Variants in THADA observed in about 807,000 individuals in gnomAD.
THADA encodes the protein tRNA (32-2'-O)-methyltransferase regulator THADA.
THADA carries 213 observed loss-of-function variants against 219.8 expected under a neutral mutation model. That is an observed-to-expected ratio of 0.97 (90% CI 0.87 to 1.09). The LOEUF (loss-of-function observed/expected upper bound fraction) is 1.09, where lower values mean the gene tolerates loss of function less well. THADA is among the 50% of genes least tolerant of loss of function. The pLI is 0.00. For missense variants in THADA, 2,956 were observed against 2,311.3 expected (o/e 1.28, Z -5.72); for synonymous variants, 1,018 against 828.9 (o/e 1.23, Z -3.92).
chr2:43,303,467 G>A (rs938932253), intron 31 of THADA, among the ~76,000 whole-genome samples: 3 of 151,976 alleles, frequency 2.0e-5, no homozygotes, highest in African/African-American at 7.3e-5. Context: ...ATTATTTAGG[G>A]CAGTCTCTCT....
At chr2:43,257,550 A>T (rs1305836962) in intron 36 of THADA, among the ~76,000 whole-genome samples, 1 of 152,224 alleles carries the variant, frequency 6.6e-6, no homozygotes, top group Non-Finnish European at 1.5e-5. Context: ...ACCTCAGTCT[A>T]TCCCATTCCC....
At chr2:43,511,637 T>A (rs573351009) in intron 22 of THADA, among the ~76,000 whole-genome samples, 1 of 103,236 alleles carries the variant, frequency 9.7e-6, no homozygotes, top group Non-Finnish European at 2.1e-5. Flanking sequence ...TTGCTGGTTC[T>A]CATACTAACA....
At chr2:43,473,003 T>C (rs1685093270) in intron 26 of THADA, among the ~76,000 whole-genome samples, 1 of 151,748 alleles carries the variant, frequency 6.6e-6, no homozygotes, top group South Asian at 2.1e-4. Context: ...TCAGAGTGAG[T>C]GGTGGGTGAA....
intron 1 of THADA, among the ~76,000 whole-genome samples, chr2:43,594,241 C>T (rs755616818): frequency 1.3e-5 from 2 of 152,158 alleles, no homozygotes; most frequent in East Asian, 1.9e-4. Context: ...TACTTACTCT[C>T]TTCCTTAAAA....
chr2:43,325,544 GAAGA>G (rs933711072), intron 30 of THADA, among the ~76,000 whole-genome samples: 15 of 151,660 alleles, frequency 9.9e-5, no homozygotes, highest in Non-Finnish European at 1.9e-4. Flanking sequence ...AAAGAAGGAA[GAAGA>G]AAGGAAGGAA....
chr2:43,251,604 C>T lies in THADA; in HGVS notation c.5297-18722G>A, dbSNP rs182064107. Among the ~76,000 whole-genome samples the T allele has an allele frequency of 5.9e-5, 9 of 152,314 alleles. No homozygotes were observed. In the East Asian group the frequency reaches 7.7e-4, roughly 13 times the overall value. ...AAGGTACTGTGGGACTGTGTACTCC[C>T]GAGTGGGAGATGTGGCAGGGCCACA... On this transcript the variant is annotated intron_variant, in intron 36 of 37. Transcript: ENST00000405975.
At position 43,287,467 on chromosome 2, in the gene THADA, G is replaced by C. The variant is rs146669115; in HGVS notation, c.5011-406C>G. On this transcript the variant is annotated intron_variant, in intron 34 of 37. Coordinates refer to ENST00000405975, the MANE Select transcript of THADA (RefSeq NM_022065.5). ...GTGCCACCACACCTGGCTAATTTTT[G>C]TATTTAGCAAAATTAGACAGGGTTT... Among the ~76,000 whole-genome samples, 56 of 152,172 alleles carry C rather than the reference G, an allele frequency of 3.7e-4. No homozygotes were observed. The East Asian group carries it at 0.011, about 29-fold the overall frequency.
chr2:43,351,879 G>C (rs934495243), intron 29 of THADA, among the ~76,000 whole-genome samples: 22 of 152,196 alleles, frequency 1.4e-4, no homozygotes, highest in African/African-American at 4.8e-4. Context: ...AAGTAATTAT[G>C]AGTTCCTTCA....
intron 28 of THADA, among the ~76,000 whole-genome samples, chr2:43,402,683 A>G (rs1675006094): frequency 6.6e-6 from 1 of 152,182 alleles, no homozygotes; most frequent in South Asian, 2.1e-4. Flanking sequence ...AGAACTGGAG[A>G]GAAAATCACT....
At chr2:43,492,574 A>T (rs1687776305) in intron 25 of THADA, among the ~76,000 whole-genome samples, 1 of 152,222 alleles carries the variant, frequency 6.6e-6, no homozygotes, top group African/African-American at 2.4e-5. Flanking sequence ...TAAGGATGGG[A>T]TCCACACATG....
intron 26 of THADA, among the ~76,000 whole-genome samples, chr2:43,464,373 G>T (rs1683987272): frequency 6.6e-6 from 1 of 151,862 alleles, no homozygotes; most frequent in African/African-American, 2.4e-5. Flanking sequence ...TTACTTTTTT[G>T]AATCAATCAA....
chr2:43,549,006 T>G (rs1696427780), intron 20 of THADA, among the ~76,000 whole-genome samples: 1 of 152,210 alleles, frequency 6.6e-6, no homozygotes, highest in Admixed American at 6.5e-5. Context: ...TATTCGGCCA[T>G]CTTGGCTCCA....
intron 25 of THADA, among the ~76,000 whole-genome samples, chr2:43,498,514 T>C (rs1051371130): frequency 6.6e-6 from 1 of 152,178 alleles, no homozygotes; most frequent in African/African-American, 2.4e-5. Context: ...AGTGCACTAT[T>C]ATTAAGTTCT....
At chr2:43,283,295 G>C (rs1012825309) in intron 35 of THADA, among the ~76,000 whole-genome samples, 1 of 152,158 alleles carries the variant, frequency 6.6e-6, no homozygotes. Context: ...AGGAGTGTGA[G>C]AATGGACCAA....
At chr2:43,473,507 G>A (rs369677389) in intron 26 of THADA, among the ~76,000 whole-genome samples, 1 of 151,988 alleles carries the variant, frequency 6.6e-6, no homozygotes, top group African/African-American at 2.4e-5. Context: ...TAATAAGTAG[G>A]AGTACACTCT....
chr2:43,569,517 C>T (rs1699061804), intron 14 of THADA, among the ~76,000 whole-genome samples: 1 of 152,120 alleles, frequency 6.6e-6, no homozygotes, highest in Non-Finnish European at 1.5e-5. Context: ...TTGTGACGTC[C>T]CAATCTTCGT....
chr2:43,251,548 C>T (rs928353599), intron 36 of THADA, among the ~76,000 whole-genome samples: 2 of 152,200 alleles, frequency 1.3e-5, no homozygotes, highest in Admixed American at 6.5e-5. Flanking sequence ...TGTCAGCGTG[C>T]GAAACACCGG....
chr2:43,493,683 A>G (rs1372422801), intron 25 of THADA, among the ~76,000 whole-genome samples: 1 of 152,180 alleles, frequency 6.6e-6, no homozygotes, highest in Non-Finnish European at 1.5e-5. Context: ...ATATTTTTAA[A>G]CAAAAACTGC....
chr2:43,367,321 T>C (rs965575033), intron 29 of THADA, among the ~76,000 whole-genome samples: 2 of 151,556 alleles, frequency 1.3e-5, no homozygotes, highest in African/African-American at 2.4e-5. Flanking sequence ...AGATAGTAAA[T>C]TTTATGTTAT....
Sources: allele counts gnomAD v4.1 joint callset (sites outside exome capture counted in the v4.1 genomes callset), GRCh38; gene constraint gnomAD v4.1.1; transcripts MANE v1.5; gene names NCBI Gene and HGNC (gene_info 2026-07-23, HGNC 2026-07-21).